The following SEZ6L variants were observed in gnomAD, a reference collection of about 807,000 sequenced individuals.
SEZ6L encodes seizure 6-like protein.
A neutral mutation model predicts 106.2 loss-of-function variants in SEZ6L; 37 were observed. The observed-to-expected ratio is 0.35, with a 90% CI of 0.27 to 0.46. The LOEUF (loss-of-function observed/expected upper bound fraction) is 0.46. SEZ6L is among the 20% of genes least tolerant of loss of function. SEZ6L has a pLI of 1.00. For missense variants in SEZ6L, 1,172 were observed against 1,332.8 expected, an observed-to-expected ratio of 0.88 and a Z score of 1.88; for synonymous variants, 541 against 570.4, an observed-to-expected ratio of 0.95 and a Z score of 0.73.
chr22:26,175,161 G>T (rs540477369), intron 1 of SEZ6L, among the ~76,000 whole-genome samples: 1 of 152,276 alleles, frequency 6.6e-6, no homozygotes, highest in Non-Finnish European at 1.5e-5. Flanking sequence ...ATGCGCATGG[G>T]ATGTGTACTC....
intron 1 of SEZ6L, among the ~76,000 whole-genome samples, chr22:26,263,115 T>C (rs1569428554): frequency 6.6e-6 from 1 of 152,172 alleles, no homozygotes; most frequent in Non-Finnish European, 1.5e-5. Flanking sequence ...ATGCTTCCCA[T>C]GGTCTACCGG....
rs149924523 is a variant in SEZ6L, at chr22:26,221,882, G to T, written c.94+52119G>T. 3.9e-5 allele frequency among the ~76,000 whole-genome samples: 6 copies of T among 152,250 alleles called. No homozygotes were observed. In the East Asian group the frequency reaches 1.2e-3, roughly 29 times the overall value. ...ATTTATTGTAGGTGAGAATCAATTC[G>T]CCAATGGTTTTATCTAAGCCAGTCT... On this transcript the variant is annotated intron_variant, in intron 1 of 16. Transcript: ENST00000248933.
Position 26,292,653 on chromosome 22 carries a change from C to G in SEZ6L, c.342C>G (p.Pro114=), listed in dbSNP as rs768121617. The change falls in exon 2 of 17, where the codon CCC becomes CCG. Residue 114 remains proline, a synonymous_variant. Transcript: ENST00000248933. ...AGGCCCGCCCCAAGCACGCCTTGCCCCCCAAGAAGAAACTGCCTTCGCTCA... is the reference window on the plus strand; with the variant it reads ...AGGCCCGCCCCAAGCACGCCTTGCCGCCCAAGAAGAAACTGCCTTCGCTCA... The part of the protein sequence containing the change: ...PEEARPKHAL[P]PKKKLPSLKQ... The G allele has an allele frequency of 6.2e-7, 1 of 1,613,384 alleles. No homozygotes were observed. The highest frequency in any genetic ancestry group is 8.5e-7 in the Non-Finnish European group (1 of 1,179,894).
intron 5 of SEZ6L, 38 bp downstream of exon 5, chr22:26,299,207 C>T: frequency 3.0e-6 from 4 of 1,335,190 alleles, no homozygotes; most frequent in Non-Finnish European, 2.9e-6. Flanking sequence ...CCTGATGGTC[C>T]AACTAAGAGG....
intron 1 of SEZ6L, among the ~76,000 whole-genome samples, chr22:26,252,285 T>C (rs2079623457): frequency 6.6e-6 from 1 of 152,246 alleles, no homozygotes; most frequent in Non-Finnish European, 1.5e-5. Flanking sequence ...CAGTGATTTA[T>C]GCACTTATTT....
At chr22:26,377,980 G>C (rs1206856765) in intron 16 of SEZ6L, among the ~76,000 whole-genome samples, 1 of 152,002 alleles carries the variant, frequency 6.6e-6, no homozygotes, top group African/African-American at 2.4e-5. Context: ...ACGAGCCTAG[G>C]AGGCTGATTA....
intron 1 of SEZ6L, among the ~76,000 whole-genome samples, chr22:26,204,342 G>A (rs114663870): frequency 2.6e-3 from 399 of 151,938 alleles, no homozygotes; most frequent in African/African-American, 9.2e-3. Context: ...CAGTATAGAG[G>A]GCTTTAAAAT....
rs1220246054 is a variant in SEZ6L at position 26,299,137 on chromosome 22, C to T, written c.1316C>T (p.Pro439Leu). 5 of 1,572,436 alleles carry T rather than the reference C, an allele frequency of 3.2e-6. No individual in the cohort carries two copies. The highest frequency in any genetic ancestry group is 4.3e-6 in the Non-Finnish European group (5 of 1,157,942). Residue 439 changes from proline (P) to leucine (L), a missense_variant, in exon 5 of 17, where the codon CCG becomes CTG. Pro to Leu is a moderately conservative substitution (Grantham distance 98). Coordinates refer to ENST00000248933, the MANE Select transcript of SEZ6L (RefSeq NM_021115.5). ...CTGACATGCATCAATGCCTCCAAGC[C>T]GCACTGGAGCAGCCAGGAGCCCATC... ...KMLTCINASK[P>L]HWSSQEPICS... is the part of the protein sequence containing the mutation.
intron 9 of SEZ6L, among the ~76,000 whole-genome samples, chr22:26,335,526 C>CT (rs1353200360): frequency 6.6e-6 from 1 of 151,860 alleles, no homozygotes. Flanking sequence ...GATTTTTTTT[C>CT]TGTCTTTAAT....
intron 1 of SEZ6L, among the ~76,000 whole-genome samples, chr22:26,218,650 A>G (rs2078366032): frequency 6.6e-6 from 1 of 152,194 alleles, no homozygotes; most frequent in Admixed American, 6.5e-5. Context: ...AAAAATACAA[A>G]AATTAGCTGG....
intron 1 of SEZ6L, among the ~76,000 whole-genome samples, chr22:26,231,554 G>C (rs2078798484): frequency 6.6e-6 from 1 of 152,220 alleles, no homozygotes; most frequent in Non-Finnish European, 1.5e-5. Flanking sequence ...TGTCCAGTGA[G>C]AGTTTGCAGT....
chr22:26,284,959 A>G (rs957921815), intron 1 of SEZ6L, among the ~76,000 whole-genome samples: 2 of 151,972 alleles, frequency 1.3e-5, no homozygotes, highest in South Asian at 4.1e-4. Flanking sequence ...ACTTTACAGT[A>G]TTGTTTGGAG....
intron 1 of SEZ6L, among the ~76,000 whole-genome samples, chr22:26,241,103 T>G (rs897280237): frequency 6.6e-6 from 1 of 152,174 alleles, no homozygotes; most frequent in African/African-American, 2.4e-5. Flanking sequence ...TCATGAGATA[T>G]GTTACGTGTT....
chr22:26,277,105 CTT>C (rs137189), intron 1 of SEZ6L, among the ~76,000 whole-genome samples: 15 of 143,336 alleles, frequency 1.0e-4, no homozygotes, highest in African/African-American at 2.3e-4. Context: ...AACACTGAGT[CTT>C]TTTTTTTTTT....
intron 1 of SEZ6L, among the ~76,000 whole-genome samples, chr22:26,189,921 C>A (rs1186781650): frequency 6.6e-6 from 1 of 152,154 alleles, no homozygotes; most frequent in African/African-American, 2.4e-5. Context: ...GATGGTGAAA[C>A]CCCATCTCTA....
At chr22:26,231,998 T>A (rs2078813050) in intron 1 of SEZ6L, among the ~76,000 whole-genome samples, 1 of 152,166 alleles carries the variant, frequency 6.6e-6, no homozygotes, top group Admixed American at 6.5e-5. Context: ...CATGGGGCAC[T>A]GCAACAGACC....
At chr22:26,180,803 G>T (rs1939340099) in intron 1 of SEZ6L, among the ~76,000 whole-genome samples, 1 of 152,196 alleles carries the variant, frequency 6.6e-6, no homozygotes, top group Non-Finnish European at 1.5e-5. Flanking sequence ...AGAGCAATAA[G>T]GGAGGTTGGT....
chr22:26,271,041 A>G (rs2145838717), intron 1 of SEZ6L, among the ~76,000 whole-genome samples: 1 of 152,334 alleles, frequency 6.6e-6, no homozygotes, highest in South Asian at 2.1e-4. Context: ...TCAGAAGATG[A>G]CAATTTGTCT....
At chr22:26,228,082 A>G (rs1272956173) in intron 1 of SEZ6L, among the ~76,000 whole-genome samples, 1 of 152,230 alleles carries the variant, frequency 6.6e-6, no homozygotes, top group Non-Finnish European at 1.5e-5. Flanking sequence ...ATCACCTTCC[A>G]TGAAGCAGCT....
Sources: gnomAD v4.1 joint callset for allele counts (sites outside exome capture counted in the v4.1 genomes callset) on GRCh38, gnomAD v4.1.1 for gene constraint, MANE v1.5 for transcripts, NCBI Gene and HGNC (gene_info 2026-07-23, HGNC 2026-07-21) for gene names.